CDH12: variants seen among roughly 807,000 people sequenced by gnomAD.
CDH12 encodes cadherin 12, also known as cadherin-12.
A neutral mutation model predicts 74.1 loss-of-function variants in CDH12; 41 were observed. That is an observed-to-expected ratio of 0.55 (90% CI 0.43 to 0.72). The LOEUF is 0.72. Ranked by LOEUF, CDH12 falls within the 30% of genes least tolerant of loss-of-function variation. The pLI is 0.00. For synonymous variants in CDH12, 399 were observed against 355.0 expected (o/e 1.12, Z -1.39); for missense variants, 945 against 977.2 (o/e 0.97, Z 0.44).
At chr5:22,731,634 T>G (rs1744435332) in intron 1 of CDH12, among the ~76,000 whole-genome samples, 1 of 151,884 alleles carries the variant, frequency 6.6e-6, no homozygotes, top group South Asian at 2.1e-4. Context: ...ATATTTGATC[T>G]CTCAGCATTT....
intron 1 of CDH12, among the ~76,000 whole-genome samples, chr5:22,614,830 T>G (rs1012110918): frequency 1.3e-5 from 2 of 152,114 alleles, no homozygotes; most frequent in Non-Finnish European, 2.9e-5. Context: ...AATTTCTTTT[T>G]TATTCTTCAC....
At chr5:22,223,246 C>CATGA (rs1445566477) in intron 3 of CDH12, among the ~76,000 whole-genome samples, 1 of 151,962 alleles carries the variant, frequency 6.6e-6, no homozygotes, top group Non-Finnish European at 1.5e-5. Context: ...TGGTAGCAAG[C>CATGA]ATGAATGACT....
At chr5:22,691,737 A>G (rs98362) in intron 1 of CDH12, among the ~76,000 whole-genome samples, 89,335 of 151,978 alleles carry the variant, frequency 0.59, 26,488 homozygotes, top group African/African-American at 0.61. Flanking sequence ...CCCTGACTGT[A>G]GTAGTGCCAT....
At chr5:22,809,997 T>C (rs1581022914) in intron 1 of CDH12, among the ~76,000 whole-genome samples, 1 of 152,164 alleles carries the variant, frequency 6.6e-6, no homozygotes, top group Non-Finnish European at 1.5e-5. Context: ...TCATTTATAG[T>C]GATAGATTGA....
At chr5:22,704,899 C>T (rs775136628) in intron 1 of CDH12, among the ~76,000 whole-genome samples, 9 of 151,830 alleles carry the variant, frequency 5.9e-5, no homozygotes, top group Non-Finnish European at 1.0e-4. Context: ...ATTCCACCTT[C>T]CTTATACAAT....
At chr5:22,300,835 C>T (rs1041687904) in intron 3 of CDH12, among the ~76,000 whole-genome samples, 2 of 152,116 alleles carry the variant, frequency 1.3e-5, no homozygotes, top group Admixed American at 1.3e-4. Context: ...AAACCAATAG[C>T]ATTTGTAACT....
intron 6 of CDH12, among the ~76,000 whole-genome samples, chr5:21,940,817 C>G (rs1159846013): frequency 2.0e-5 from 3 of 151,982 alleles, no homozygotes; most frequent in Admixed American, 2.0e-4. Context: ...GACAATGTCT[C>G]TATCTCTGTT....
chr5:21,942,865 G>T (rs542630155), intron 6 of CDH12, among the ~76,000 whole-genome samples: 1 of 152,262 alleles, frequency 6.6e-6, no homozygotes, highest in South Asian at 2.1e-4. Flanking sequence ...ACTAGTATGA[G>T]AAAAACAAGG....
chr5:22,831,348 A>G, intron 1 of CDH12, among the ~76,000 whole-genome samples: 1 of 97,194 alleles, frequency 1.0e-5, no homozygotes, highest in Non-Finnish European at 2.3e-5. Context: ...GGGGTTTTGG[A>G]GTTTGTGTGT....
chr5:22,044,453 G>A (rs1739792941), intron 5 of CDH12, among the ~76,000 whole-genome samples: 2 of 152,156 alleles, frequency 1.3e-5, no homozygotes, highest in Non-Finnish European at 2.9e-5. Context: ...AAAAGAGGAA[G>A]TGCCACACTT....
intron 3 of CDH12, among the ~76,000 whole-genome samples, chr5:22,348,871 T>G (rs1442291243): frequency 6.6e-6 from 1 of 152,190 alleles, no homozygotes; most frequent in Non-Finnish European, 1.5e-5. Flanking sequence ...GGGAGTGTAG[T>G]TAGCAAAGAG....
chr5:22,806,982 T>C (rs1158829203), intron 1 of CDH12, among the ~76,000 whole-genome samples: 1 of 152,210 alleles, frequency 6.6e-6, no homozygotes, highest in Non-Finnish European at 1.5e-5. Context: ...TTTAATTAGA[T>C]TCCATTTGTC....
chr5:22,523,983 T>TA (rs1554047101), intron 1 of CDH12, among the ~76,000 whole-genome samples: 12,217 of 109,316 alleles, frequency 0.11, 1,150 homozygotes, highest in African/African-American at 0.28. Context: ...TTATTATTAT[T>TA]TTTTTTTTTT....
intron 2 of CDH12, among the ~76,000 whole-genome samples, chr5:22,414,069 T>TAACTGA (rs1743279342): frequency 6.6e-6 from 1 of 152,046 alleles, no homozygotes; most frequent in Non-Finnish European, 1.5e-5. Context: ...TGTGAGTACA[T>TAACTGA]AACTGAACAT....
chr5:22,007,062 C>A (rs1029547473), intron 5 of CDH12, among the ~76,000 whole-genome samples: 4 of 151,966 alleles, frequency 2.6e-5, no homozygotes, highest in African/African-American at 9.7e-5. Context: ...GAATTACCAA[C>A]CAGTTGCATT....
intron 4 of CDH12, among the ~76,000 whole-genome samples, chr5:22,174,724 T>C (rs1406323000): frequency 6.6e-6 from 1 of 151,990 alleles, no homozygotes; most frequent in East Asian, 1.9e-4. Flanking sequence ...AAAGAGGGTA[T>C]ATTAATGTGG....
At chr5:21,863,215 T>C (rs1473423022) in intron 6 of CDH12, among the ~76,000 whole-genome samples, 3 of 152,062 alleles carry the variant, frequency 2.0e-5, no homozygotes, top group African/African-American at 7.2e-5. Context: ...CTCACACTTA[T>C]TTACTGTTTA....
chr5:22,605,467 C>G (rs372091694), intron 1 of CDH12, among the ~76,000 whole-genome samples: 45 of 152,300 alleles, frequency 3.0e-4, no homozygotes, highest in East Asian at 2.9e-3. Context: ...CACTCCCTGC[C>G]CCTTCTCCCC....
At chr5:21,785,308 A>G (rs577106739) in intron 10 of CDH12, among the ~76,000 whole-genome samples, 1 of 152,316 alleles carries the variant, frequency 6.6e-6, no homozygotes, top group East Asian at 1.9e-4. Context: ...GAGACACAAC[A>G]ATATCGAAAA....
Sources: gnomAD v4.1 joint callset for allele counts (sites outside exome capture counted in the v4.1 genomes callset) on GRCh38, gnomAD v4.1.1 for gene constraint, MANE v1.5 for transcripts, NCBI Gene and HGNC (gene_info 2026-07-23, HGNC 2026-07-21) for gene names.